TRAK2: variants seen among roughly 807,000 people sequenced by gnomAD.
TRAK2 encodes the protein trafficking kinesin protein 2, also known as trafficking kinesin-binding protein 2.
TRAK2 carries 81 observed loss-of-function variants against 104.6 expected under a neutral mutation model. The observed-to-expected ratio is 0.77, with a 90% CI of 0.65 to 0.93. TRAK2 has a LOEUF of 0.93. Among genes scored for constraint, TRAK2 ranks in the 40% least tolerant of loss-of-function variants. The pLI is 0.00. For missense variants in TRAK2, 1,002 were observed against 1,089.0 expected (o/e 0.92, Z 1.12); for synonymous variants, 406 against 394.4 (o/e 1.03, Z -0.35).
At chr2:201,385,458 G>C (rs767143676) in intron 14 of TRAK2, among the ~76,000 whole-genome samples, 26 of 151,888 alleles carry the variant, frequency 1.7e-4, no homozygotes, top group Non-Finnish European at 3.5e-4. Flanking sequence ...TTACAGGTGT[G>C]AGCTACCACA....
chr2:201,380,576 G>A lies in TRAK2; in HGVS notation c.2712C>T (p.Ser904=), dbSNP rs1471244206. 8 of 1,613,890 alleles carry A rather than the reference G, an allele frequency of 5.0e-6. No homozygotes were observed. The highest frequency in any genetic ancestry group is 5.9e-6 in the Non-Finnish European group (7 of 1,179,900). Residue 904 remains serine, a synonymous_variant, in exon 16 of 16, where the codon TCC becomes TCT. Coordinates refer to ENST00000332624, the MANE Select transcript of TRAK2 (RefSeq NM_015049.3). ...CCTTCAGGACACCCATTTTGGGTGA[G>A]GATGTGCAAACTGGGGCAGCAAAGC... ...MGSFAAPVCT[S]SPKMGVLKED
At chr2:201,437,678 G>T (rs1332960369) in intron 1 of TRAK2, among the ~76,000 whole-genome samples, 1 of 151,948 alleles carries the variant, frequency 6.6e-6, no homozygotes, top group Admixed American at 6.6e-5. Context: ...CAAGCCTATT[G>T]CTACGGCCCT....
chr2:201,449,422 A>C (rs1951991965), intron 1 of TRAK2, among the ~76,000 whole-genome samples: 1 of 152,038 alleles, frequency 6.6e-6, no homozygotes, highest in African/African-American at 2.4e-5. Flanking sequence ...AGTGAGCTAA[A>C]GTATGAAGAG....
Position 201,399,360 on chromosome 2 carries a change from T to G in TRAK2, c.480+17A>C. 6.4e-7 allele frequency: 1 copy of G among 1,553,784 alleles called. No individual in the cohort carries two copies. Among genetic ancestry groups the G allele is most frequent in the Middle Eastern group, 1.7e-4 (1 of 5,910 alleles). On this transcript the variant is annotated intron_variant, in intron 5 of 15. Coordinates refer to ENST00000332624, the MANE Select transcript of TRAK2 (RefSeq NM_015049.3). ...ACCTAATTATTTCATACTGCAGACA[T>G]TTGATCAAAGGCTTACTTGATCAAA...
chr2:201,393,294 C>T (rs1951465320), intron 9 of TRAK2, among the ~76,000 whole-genome samples: 1 of 152,024 alleles, frequency 6.6e-6, no homozygotes, highest in East Asian at 1.9e-4. Context: ...AAGTCTGAAA[C>T]GTAGCTAGAC....
At chr2:201,408,067 C>T (rs1951612309) in intron 2 of TRAK2, among the ~76,000 whole-genome samples, 1 of 152,092 alleles carries the variant, frequency 6.6e-6, no homozygotes, top group African/African-American at 2.4e-5. Flanking sequence ...CCCTATGGTG[C>T]TTAAGAACAC....
At chr2:201,397,421 C>T in intron 7 of TRAK2, 81 bp downstream of exon 7, 1 of 905,754 alleles carries the variant, frequency 1.1e-6, no homozygotes, top group Non-Finnish European at 1.7e-6. Context: ...CTACTGAAAC[C>T]AGTGATCTAA....
intron 2 of TRAK2, chr2:201,413,230 G>A (rs1951663204): frequency 1.4e-6 from 2 of 1,417,900 alleles, no homozygotes; most frequent in Non-Finnish European, 2.0e-6. Context: ...CTAGTGACAG[G>A]ATTTCTCATT....
At chr2:201,448,977 A>C (rs1267550464) in intron 1 of TRAK2, among the ~76,000 whole-genome samples, 2 of 152,198 alleles carry the variant, frequency 1.3e-5, no homozygotes, top group Non-Finnish European at 2.9e-5. Context: ...GTGAGTCACC[A>C]CACCCAGCAG....
In TRAK2 at chr2:201,397,524, G is replaced by T; in HGVS notation, c.747C>A (p.Val249=). The T allele has an allele frequency of 6.2e-7, 1 of 1,612,794 alleles. No individual in the cohort carries two copies. Among genetic ancestry groups the T allele is most frequent in the South Asian group, 1.1e-5 (1 of 90,924 alleles). ...CACGAAGTTCTTTAACACAGTCGCTGACAAGCTGTTGTTCCTTTTCTTCAT... is the reference window on the plus strand; with the variant it reads ...CACGAAGTTCTTTAACACAGTCGCTTACAAGCTGTTGTTCCTTTTCTTCAT... ...VTYEEKEQQL[V]SDCVKELRET... The change falls in exon 7 of 16, where the codon GTC becomes GTA. Residue 249 remains valine (V), a synonymous_variant. Transcript: ENST00000332624.
At position 201,380,501 on chromosome 2, in the gene TRAK2, T is replaced by TC. The variant is rs1157187072; in HGVS notation, c.*41dup. The TC allele has an allele frequency of 5.7e-6, 9 of 1,579,374 alleles. No individual in the cohort carries two copies. Among genetic ancestry groups the TC allele is most frequent in the Non-Finnish European group, 7.8e-6 (9 of 1,154,742 alleles). On this transcript the variant is annotated 3_prime_UTR_variant, in exon 16 of 16. Transcript: ENST00000332624. The stretch of plus-strand genomic sequence containing the variant: ...ACATGTTTCAGTGCATATCTATCCT[T>TC]CATGTGCTAACTTGTATAAAAGGTC...
chr2:201,402,436 G>A (rs1951557864), intron 3 of TRAK2, among the ~76,000 whole-genome samples: 1 of 151,950 alleles, frequency 6.6e-6, no homozygotes. Flanking sequence ...ACAAAGTGCT[G>A]GCTTGATGGT....
chr2:201,401,087 G>A lies in TRAK2; in HGVS notation c.294C>T (p.Gly98=). The A allele has an allele frequency of 6.2e-7, 1 of 1,605,890 alleles. No individual in the cohort carries two copies. The change falls in exon 4 of 16, where the codon GGC becomes GGT. Residue 98 remains glycine (G), a synonymous_variant. Transcript: ENST00000332624. Reference sequence around the variant, plus strand: ...TGGTCATCTGCTCCACCCTGTCTGTGCCTAGAACTAATATAGTTAAAAACA... The same window carrying A: ...TGGTCATCTGCTCCACCCTGTCTGTACCTAGAACTAATATAGTTAAAAACA... ...AEETFRYMIL[G]TDRVEQMTKT...
At chr2:201,442,576 G>A (rs1360220493) in intron 1 of TRAK2, among the ~76,000 whole-genome samples, 1 of 152,178 alleles carries the variant, frequency 6.6e-6, no homozygotes, top group African/African-American at 2.4e-5. Flanking sequence ...GGCAAATTCA[G>A]TCATCAACTG....
At chr2:201,390,036 A>G (rs528847218) in intron 10 of TRAK2, among the ~76,000 whole-genome samples, 156 bp from the exon 11 acceptor site, 2 of 152,354 alleles carry the variant, frequency 1.3e-5, no homozygotes, top group South Asian at 2.1e-4. Flanking sequence ...TAACTTTTAA[A>G]TAAGAACCAA....
intron 5 of TRAK2, 49 bp downstream of exon 5, chr2:201,399,328 G>T: frequency 7.7e-7 from 1 of 1,303,776 alleles, no homozygotes; most frequent in Non-Finnish European, 1.1e-6. Flanking sequence ...ATTTTCAATT[G>T]CATAAAACCT....
chr2:201,436,793 A>C (rs77088561), intron 1 of TRAK2, among the ~76,000 whole-genome samples: 3,921 of 152,280 alleles, frequency 0.026, 173 homozygotes, highest in African/African-American at 0.09. Context: ...AACTATAGGC[A>C]ATATAGCTCT....
chr2:201,392,003 G>A (rs1951452416), intron 10 of TRAK2, among the ~76,000 whole-genome samples: 1 of 152,146 alleles, frequency 6.6e-6, no homozygotes, highest in South Asian at 2.1e-4. Context: ...TGATGCTGAT[G>A]GTTGTAGTGC....
chr2:201,408,923 G>A (rs568845618), intron 2 of TRAK2, among the ~76,000 whole-genome samples: 16 of 152,200 alleles, frequency 1.1e-4, no homozygotes, highest in African/African-American at 3.6e-4. Context: ...ACTGAAATAA[G>A]TCCTTTATCA....
Sources: gnomAD v4.1 joint callset for allele counts (sites outside exome capture counted in the v4.1 genomes callset) on GRCh38, gnomAD v4.1.1 for gene constraint, MANE v1.5 for transcripts, NCBI Gene and HGNC (gene_info 2026-07-23, HGNC 2026-07-21) for gene names.